Variants in MYBPC3 observed in about 807,000 individuals in gnomAD.
The protein encoded by MYBPC3 is myosin-binding protein C, cardiac-type.
MYBPC3 carries 108 observed loss-of-function variants against 159.3 expected under a neutral mutation model. The observed-to-expected ratio is 0.68, with a 90% CI of 0.58 to 0.80. The LOEUF (loss-of-function observed/expected upper bound fraction) is 0.80. Among genes scored for constraint, MYBPC3 ranks in the 30% least tolerant of loss-of-function variants. The pLI is 0.00. For missense variants in MYBPC3, 1,631 were observed against 1,762.1 expected (o/e 0.93, Z 1.33); for synonymous variants, 730 against 702.0 (o/e 1.04, Z -0.63).
rs765986295 is a variant in MYBPC3, at chr11:47,351,465, G to A, written c.66C>T (p.Ala22=). The A allele has an allele frequency of 2.3e-5, 37 of 1,597,932 alleles. No individual in the cohort carries two copies. Among genetic ancestry groups the A allele is most frequent in the African/African-American group, 4.0e-5 (3 of 74,690 alleles). The change falls in exon 2 of 35, where the codon GCC becomes GCT. Residue 22 remains alanine (A), a synonymous_variant. Coordinates refer to ENST00000545968, the MANE Select transcript of MYBPC3 (RefSeq NM_000256.3). The surrounding 1 kb of genome is among the most constrained non-coding windows in gnomAD (Gnocchi z 4.2). Reference sequence around the variant, plus strand: ...CCTCGAACACGGCAGGGCTGCCTGCGGCCACTTCCACTGACCGTGGCTTCT... The same window carrying A: ...CCTCGAACACGGCAGGGCTGCCTGCAGCCACTTCCACTGACCGTGGCTTCT... ...FSKKPRSVEV[A]AGSPAVFEAE... is the part of the protein sequence containing the mutation.
chr11:47,340,473 G>C (rs1288277514), intron 20 of MYBPC3, among the ~76,000 whole-genome samples: 1 of 152,160 alleles, frequency 6.6e-6, no homozygotes, highest in Non-Finnish European at 1.5e-5. Flanking sequence ...AACCATCCTG[G>C]CTAACATGGT....
Position 47,338,707 on chromosome 11 carries a change from T to C in MYBPC3, c.2149-28A>G. On this transcript the variant is annotated intron_variant, in intron 22 of 34. Coordinates refer to ENST00000545968, the MANE Select transcript of MYBPC3 (RefSeq NM_000256.3). The surrounding 1 kb of genome is among the most constrained non-coding windows in gnomAD (Gnocchi z 4.7). ...GGGGGGGTGCAGAGTTGGGGTGAGA[T>C]CCAAGTCAGACCCCAGAGGCCCTTG... 1 of 1,588,226 alleles carries C rather than the reference T, an allele frequency of 6.3e-7. No homozygotes were observed. Among genetic ancestry groups the C allele is most frequent in the Non-Finnish European group, 8.6e-7 (1 of 1,166,830 alleles).
rs540988604 is a variant in MYBPC3 at position 47,337,492 on chromosome 11, C to G, written c.2501G>C (p.Arg834Pro). 1.2e-6 allele frequency: 2 copies of G among 1,613,894 alleles called. No homozygotes were observed. The highest frequency in any genetic ancestry group is 2.7e-5 in the African/African-American group (2 of 74,928). ...DLIQELSHEARRMIEGVVYEM... is the reference protein window; with the variant it reads ...DLIQELSHEAPRMIEGVVYEM... Reference sequence around the variant, plus strand: ...GTACACCACGCCCTCGATCATGCGCCGCGCTTCATGACTCAGCTCCTGAAT... The same window carrying G: ...GTACACCACGCCCTCGATCATGCGCGGCGCTTCATGACTCAGCTCCTGAAT... Residue 834 changes from arginine to proline, a missense_variant, in exon 25 of 35, where the codon CGG becomes CCG. Coordinates refer to ENST00000545968, the MANE Select transcript of MYBPC3 (RefSeq NM_000256.3).
intron 25 of MYBPC3, 57 bp downstream of exon 25, chr11:47,337,334 T>C (rs2095883221): frequency 1.3e-6 from 2 of 1,504,980 alleles, no homozygotes; most frequent in East Asian, 2.3e-5. Flanking sequence ...CCTGCTATTA[T>C]TGGAGGTTTT....
chr11:47,341,109 C>T (rs376645045), intron 19 of MYBPC3, 29 bp downstream of exon 19: 18 of 1,570,858 alleles, frequency 1.1e-5, no homozygotes, highest in African/African-American at 4.1e-5. Context: ...CCCACTGCCC[C>T]GACCCACCCT....
At position 47,351,536 on chromosome 11, in the gene MYBPC3, C is replaced by T; in HGVS notation, c.26-31G>A. 1 of 1,551,400 alleles carries T rather than the reference C, an allele frequency of 6.4e-7. No individual in the cohort carries two copies. The highest frequency in any genetic ancestry group is 8.7e-7 in the Non-Finnish European group (1 of 1,144,572). On this transcript the variant is annotated intron_variant, in intron 1 of 34. Coordinates refer to ENST00000545968, the MANE Select transcript of MYBPC3 (RefSeq NM_000256.3). This position sits in a 1 kb window ranked among gnomAD's most constrained non-coding sequence, Gnocchi z 4.2. ...GGGCCAGGTGGAGGCTACAGCGGCC[C>T]CTGGTTGGAGCGTGCACCCCGCCCC... is the stretch of plus-strand genomic sequence containing the variant.
At position 47,335,928 on chromosome 11, in the gene MYBPC3, C is replaced by A; in HGVS notation, c.2686G>T (p.Val896Leu). 1 of 1,553,576 alleles carries A rather than the reference C, an allele frequency of 6.4e-7. No individual in the cohort carries two copies. The highest frequency in any genetic ancestry group is 8.7e-7 in the Non-Finnish European group (1 of 1,149,582). Residue 896 changes from valine (V) to leucine (L), a missense_variant, in exon 26 of 35, where the codon GTG becomes TTG. Transcript: ENST00000545968. ...VSLKWRPPERVGAGGLDGYSV... is the reference protein window; with the variant it reads ...VSLKWRPPERLGAGGLDGYSV... ...TAGCCATCCAGGCCTCCTGCTCCCA[C>A]GCGCTCTGGGGGCCGCCACTTGAGG... is the stretch of plus-strand genomic sequence containing the variant.
intron 26 of MYBPC3, chr11:47,335,470 GGT>G: frequency 3.0e-6 from 1 of 329,192 alleles, no homozygotes; most frequent in South Asian, 7.1e-5. Flanking sequence ...TGGGATCACA[GGT>G]GCCCACCACC....
At chr11:47,337,251 C>G in intron 25 of MYBPC3, 140 bp downstream of exon 25, 1 of 881,882 alleles carries the variant, frequency 1.1e-6, no homozygotes, top group South Asian at 2.1e-5. Flanking sequence ...CTGTAAAATG[C>G]GGCTGAGTAT....
At chr11:47,349,643 C>T (rs2095898233) in intron 5 of MYBPC3, 131 bp downstream of exon 5, 31 of 1,334,410 alleles carry the variant, frequency 2.3e-5, no homozygotes, top group Non-Finnish European at 3.1e-5. Flanking sequence ...ACCTGCCTCC[C>T]AGATTCCCCA....
chr11:47,349,669 G>A, intron 5 of MYBPC3, 105 bp downstream of exon 5: 11 of 1,430,864 alleles, frequency 7.7e-6, no homozygotes, highest in Non-Finnish European at 1.0e-5. Context: ...CTTGCTTGCA[G>A]CTCGTGTGTG....
chr11:47,335,216 G>A lies in MYBPC3; in HGVS notation c.2738-7C>T. 6.3e-7 allele frequency: 1 copy of A among 1,577,758 alleles called. No homozygotes were observed. The highest frequency in any genetic ancestry group is 8.6e-7 in the Non-Finnish European group (1 of 1,159,248). On this transcript the variant is annotated splice_polypyrimidine_tract_variant and splice_region_variant and intron_variant, in intron 26 of 34. Transcript: ENST00000545968. ...GCAGCCACCCACTCTGAGCCTGGGGGTGGGGAGGGGGAGGCAAGGCCACAG... is the reference window on the plus strand; with the variant it reads ...GCAGCCACCCACTCTGAGCCTGGGGATGGGGAGGGGGAGGCAAGGCCACAG...
chr11:47,350,526 C>T lies in MYBPC3; in HGVS notation c.382G>A (p.Gly128Arg). 1 of 1,559,304 alleles carries T rather than the reference C, an allele frequency of 6.4e-7. No homozygotes were observed. The highest frequency in any genetic ancestry group is 1.4e-5 in the African/African-American group (1 of 72,622). ...GEAPAPAAEL[G>R]ESAPSPKGSS... ...CCTTTGGGACTTGGGGCACTTTCTC[C>T]CAGCTCAGCGGCTGGGGCCGGGGCT... Residue 128 changes from glycine (G) to arginine (R), a missense_variant, in exon 3 of 35, where the codon GGA becomes AGA. Coordinates refer to ENST00000545968, the MANE Select transcript of MYBPC3 (RefSeq NM_000256.3).
In MYBPC3 at chr11:47,334,138, C is replaced by G. The variant is rs139853164; in HGVS notation, c.2906-128G>C. 376 of 891,094 alleles carry G rather than the reference C, an allele frequency of 4.2e-4. No homozygotes were observed. In the African/African-American group the frequency reaches 5.5e-3, roughly 13 times the overall value. The allele number at this position is 891,094 out of a possible 1,614,324, so 55.2% of individuals were successfully genotyped here. On this transcript the variant is annotated intron_variant, in intron 27 of 34. Coordinates refer to ENST00000545968, the MANE Select transcript of MYBPC3 (RefSeq NM_000256.3). Reference sequence around the variant, plus strand: ...GAAAAAAGCTGCCTGCTGGGCCCTGCGCCTCCTTTAGCTCCTGCTAACACA... The same window carrying G: ...GAAAAAAGCTGCCTGCTGGGCCCTGGGCCTCCTTTAGCTCCTGCTAACACA...
intron 30 of MYBPC3, 108 bp from the exon 31 acceptor site, chr11:47,333,081 G>T: frequency 6.6e-7 from 1 of 1,521,536 alleles, no homozygotes. Context: ...GAGGGATTCA[G>T]ATCAGCAGAG....
Position 47,349,903 on chromosome 11 carries a change from T to C in MYBPC3, c.525A>G (p.Ser175=). 3 of 1,606,460 alleles carry C rather than the reference T, an allele frequency of 1.9e-6. No individual in the cohort carries two copies. The highest frequency in any genetic ancestry group is 2.2e-5 in the East Asian group (1 of 44,528). ...GGAGGCTGGCGCCGGCCACGCGGGC[T>C]GAGAAGGTGATGCTGCCACCTGCAA... ...EVTVGGSITF[S]ARVAGASLLK... is the part of the protein sequence containing the mutation. The change falls in exon 5 of 35, where the codon TCA becomes TCG. Residue 175 remains serine, a synonymous_variant. Transcript: ENST00000545968.
rs551119259 is a variant in MYBPC3, at chr11:47,347,861, G to A, written c.817C>T (p.Arg273Cys). ...GCCCTGAGGATGGCCACTCACGTGCGGCGGAAGGCTGATAGGAGGTCCAGG... is the reference window on the plus strand; with the variant it reads ...GCCCTGAGGATGGCCACTCACGTGCAGCGGAAGGCTGATAGGAGGTCCAGG... ...GDLDLLSAFR[R>C]TSLAGGGRRI... Residue 273 changes from arginine to cysteine, a missense_variant, in exon 7 of 35, where the codon CGC becomes TGC. Arg to Cys is a radical substitution (Grantham distance 180, BLOSUM62 -3). Transcript: ENST00000545968. 1.2e-5 allele frequency: 19 copies of A among 1,566,504 alleles called. No homozygotes were observed. Among genetic ancestry groups the A allele is most frequent in the Admixed American group, 3.8e-5 (2 of 52,672 alleles).
In MYBPC3 at chr11:47,339,707, C is replaced by T. The variant is rs876657869; in HGVS notation, c.2011G>A (p.Val671Ile). 1.9e-5 allele frequency: 30 copies of T among 1,613,630 alleles called. No homozygotes were observed. The highest frequency in any genetic ancestry group is 3.3e-4 in the Middle Eastern group (2 of 6,082). The change falls in exon 21 of 35, where the codon GTC becomes ATC. Residue 671 changes from valine (V) to isoleucine (I), a missense_variant. Coordinates refer to ENST00000545968, the MANE Select transcript of MYBPC3 (RefSeq NM_000256.3). ...VVAGNKLRLD[V>I]PISGDPAPTV... ...GGAGCAGGGTCCCCAGAGATAGGGA[C>T]GTCCAGACGTAGCTTATTTCCAGCT... is the stretch of plus-strand genomic sequence containing the variant.
At chr11:47,349,487 C>T (rs1267949392) in intron 5 of MYBPC3, among the ~76,000 whole-genome samples, 3 of 151,928 alleles carry the variant, frequency 2.0e-5, no homozygotes, top group Non-Finnish European at 2.9e-5. Context: ...GGCGACCCCC[C>T]ACCCCCGGCC....
Sources: gnomAD v4.1 joint callset for allele counts (sites outside exome capture counted in the v4.1 genomes callset) on GRCh38, gnomAD v4.1.1 for gene constraint, Gnocchi (gnomAD v3.1) non-coding constraint, MANE v1.5 for transcripts, NCBI Gene and HGNC (gene_info 2026-07-23, HGNC 2026-07-21) for gene names.